The following SPIC variants were observed in gnomAD, a reference collection of about 807,000 sequenced individuals.
The protein encoded by SPIC is Spi-C transcription factor.
A neutral mutation model predicts 16.7 loss-of-function variants in SPIC; 9 were observed. The observed-to-expected ratio is 0.54, with a 90% confidence interval of 0.33 to 0.94. The LOEUF is 0.94. Ranked by LOEUF, SPIC falls within the 40% of genes least tolerant of loss-of-function variation. The pLI, the probability that SPIC is intolerant of heterozygous loss-of-function variation, is 0.03. For missense variants in SPIC, 241 were observed against 285.8 expected, an observed-to-expected ratio of 0.84 and a Z score of 1.13; for synonymous variants, 97 against 102.9, an observed-to-expected ratio of 0.94 and a Z score of 0.35.
intron 4 of SPIC, among the ~76,000 whole-genome samples, chr12:101,482,499 C>T (rs900015496): frequency 6.6e-6 from 1 of 152,124 alleles, no homozygotes; most frequent in African/African-American, 2.4e-5. Context: ...AATGGAAGCC[C>T]ATCTTCCCTT....
intron 5 of SPIC, among the ~76,000 whole-genome samples, 186 bp downstream of exon 5, chr12:101,483,086 G>GTT (rs58442228): frequency 0.011 from 1,388 of 129,060 alleles, 37 homozygotes; most frequent in African/African-American, 0.035. Context: ...GACTTCCTGT[G>GTT]TTTTTTTTTT....
In SPIC at chr12:101,486,624, ACTCT is replaced by A; in HGVS notation, c.604_607del (p.Ser202HisfsTer24). On this transcript the variant is annotated frameshift_variant, in exon 6 of 6. Coordinates refer to ENST00000551346, the MANE Select transcript of SPIC (RefSeq NM_152323.3). LOFTEE classifies it low-confidence loss of function (END_TRUNC). ...AGTTCAGTGAGGCCATTCTCCAAAG[ACTCT>A]CTCCATCCTATTTCCTGGGGAAAGA... The A allele has an allele frequency of 6.2e-7, 1 of 1,613,632 alleles. No individual in the cohort carries two copies. The highest frequency in any genetic ancestry group is 2.2e-5 in the East Asian group (1 of 44,854).
intron 5 of SPIC, among the ~76,000 whole-genome samples, chr12:101,485,080 T>C (rs1302871168): frequency 6.6e-6 from 1 of 152,172 alleles, no homozygotes; most frequent in Non-Finnish European, 1.5e-5. Context: ...ATACAAAAGA[T>C]AATCTTTGTA....
intron 5 of SPIC, among the ~76,000 whole-genome samples, chr12:101,483,658 A>G (rs1873278731): frequency 6.6e-6 from 1 of 151,874 alleles, no homozygotes; most frequent in Non-Finnish European, 1.5e-5. Context: ...ATGCAGTGGC[A>G]TCATCTCAGC....
intron 2 of SPIC, among the ~76,000 whole-genome samples, chr12:101,477,279 T>C (rs1434212754): frequency 6.6e-6 from 1 of 152,202 alleles, no homozygotes; most frequent in Non-Finnish European, 1.5e-5. Context: ...TCAACTGTGA[T>C]TGATTTTGTG....
intron 1 of SPIC, among the ~76,000 whole-genome samples, chr12:101,476,588 G>A (rs1264039131): frequency 6.6e-6 from 1 of 151,906 alleles, no homozygotes; most frequent in Non-Finnish European, 1.5e-5. Flanking sequence ...CAATCAAGCA[G>A]CTCAGATAAT....
chr12:101,479,218 A>AAGAG (rs1208995064), intron 3 of SPIC, among the ~76,000 whole-genome samples: 7 of 122,476 alleles, frequency 5.7e-5, no homozygotes, highest in African/African-American at 2.0e-4. Context: ...GAAAGAAAGA[A>AAGAG]AGAAGGAAAG....
At chr12:101,476,313 G>A (rs1872956228) in intron 1 of SPIC, among the ~76,000 whole-genome samples, 1 of 152,074 alleles carries the variant, frequency 6.6e-6, no homozygotes, top group Non-Finnish European at 1.5e-5. Context: ...AGTTTTCTTA[G>A]CCTAGGATTC....
rs897872081 is a variant in SPIC, at chr12:101,479,597, T to G, written c.113T>G (p.Leu38Arg). 1 of 1,612,258 alleles carries G rather than the reference T, an allele frequency of 6.2e-7. No individual in the cohort carries two copies. The change falls in exon 4 of 6, where the codon CTG (leucine) becomes CGG (arginine). Residue 38 changes from leucine (L) to arginine (R), a missense_variant. Coordinates refer to ENST00000551346, the MANE Select transcript of SPIC (RefSeq NM_152323.3). ...TTAAAATTAGATTACAGAAATTACCTGGCTTTAATCAACCATCGTCCTCAT... is the reference window on the plus strand; with the variant it reads ...TTAAAATTAGATTACAGAAATTACCGGGCTTTAATCAACCATCGTCCTCAT... ...LQYSPDYRNYLALINHRPHVK... is the reference protein window; with the variant it reads ...LQYSPDYRNYRALINHRPHVK...
At chr12:101,482,930 T>C (rs774406303) in intron 5 of SPIC, 30 bp downstream of exon 5, 1 of 1,580,280 alleles carries the variant, frequency 6.3e-7, no homozygotes, top group Non-Finnish European at 8.7e-7. Flanking sequence ...GTTATACAGG[T>C]AAAAGAACCA....
At position 101,485,978 on chromosome 12, in the gene SPIC, A is replaced by G. The variant is rs566351207; in HGVS notation, c.320-366A>G. 2.3e-3 allele frequency among the ~76,000 whole-genome samples: 356 copies of G among 152,100 alleles called. 1 individual carries two copies. Among genetic ancestry groups the G allele is most frequent in the African/African-American group, 8.0e-3 (331 of 41,482 alleles). On this transcript the variant is annotated intron_variant, in intron 5 of 5. Transcript: ENST00000551346. ...GCCACCCTGCCTGGCTAATTTTTGTATTTTTAGTAGAGACGGGATTTCACC... is the reference window on the plus strand; with the variant it reads ...GCCACCCTGCCTGGCTAATTTTTGTGTTTTTAGTAGAGACGGGATTTCACC...
intron 5 of SPIC, among the ~76,000 whole-genome samples, chr12:101,486,141 A>G (rs1873358534): frequency 2.6e-5 from 4 of 152,218 alleles, no homozygotes; most frequent in Admixed American, 1.3e-4. Context: ...AGAAAGATCC[A>G]GTTGAAACTT....
At position 101,482,875 on chromosome 12, in the gene SPIC, T is replaced by C; in HGVS notation, c.294T>C (p.Thr98=). ...NITENQLVQP[T]LLQQKGGKGR... is the part of the protein sequence containing the mutation. ...CTGAAAACCAGCTGGTACAACCCAC[T>C]CTTCTCCAGCAAAAGGGGGGAAAAG... Residue 98 remains threonine (T), a synonymous_variant, in exon 5 of 6, where the codon ACT becomes ACC. Transcript: ENST00000551346. The C allele has an allele frequency of 6.2e-7, 1 of 1,614,008 alleles. No homozygotes were observed. The highest frequency in any genetic ancestry group is 8.5e-7 in the Non-Finnish European group (1 of 1,179,986).
Position 101,486,858 on chromosome 12 carries a change from C to G in SPIC, c.*87C>G. 1 of 1,186,030 alleles carries G rather than the reference C, an allele frequency of 8.4e-7. No homozygotes were observed. Among genetic ancestry groups the G allele is most frequent in the Non-Finnish European group, 1.1e-6 (1 of 874,384 alleles). 73.5% of individuals were successfully genotyped at this position (1,186,030 alleles called of 1,614,324 possible). Reference sequence around the variant, plus strand: ...TCCCTCCCTCTCTTTTTTTCCTCCTCTGAAGAAATTTAGGATTTTTCTCTT... The same window carrying G: ...TCCCTCCCTCTCTTTTTTTCCTCCTGTGAAGAAATTTAGGATTTTTCTCTT... On this transcript the variant is annotated 3_prime_UTR_variant, in exon 6 of 6. Coordinates refer to ENST00000551346, the MANE Select transcript of SPIC (RefSeq NM_152323.3).
In SPIC at chr12:101,475,425, T is replaced by C. The variant is rs1011329365; in HGVS notation, c.-155T>C. 6.6e-6 allele frequency: 1 copy of C among 152,172 alleles called. No homozygotes were observed. The highest frequency in any genetic ancestry group is 6.6e-5 in the Admixed American group (1 of 15,262). The allele number at this position is 152,172 out of a possible 1,614,324, so 9.4% of individuals were successfully genotyped here. On this transcript the variant is annotated 5_prime_UTR_variant, in exon 1 of 6. Transcript: ENST00000551346. ...ATTGCACTGGAAAATAATTTTTTAT[T>C]TTCATGATAGCCTACCGTTGAATTT...
At chr12:101,484,736 T>C (rs1191434023) in intron 5 of SPIC, among the ~76,000 whole-genome samples, 1 of 151,388 alleles carries the variant, frequency 6.6e-6, no homozygotes, top group Non-Finnish European at 1.5e-5. Context: ...TTCGGGAGAC[T>C]GAGGCAGGCA....
chr12:101,481,265 A>G (rs1445769340), intron 4 of SPIC, among the ~76,000 whole-genome samples: 5 of 151,744 alleles, frequency 3.3e-5, no homozygotes, highest in Non-Finnish European at 7.4e-5. Flanking sequence ...TAGCTCACTG[A>G]AGCTTCAAAT....
chr12:101,486,878 T>C lies in SPIC; in HGVS notation c.*107T>C, dbSNP rs1873383938. 2.0e-6 allele frequency: 2 copies of C among 993,538 alleles called. 1 individual carries two copies. The highest frequency in any genetic ancestry group is 4.2e-5 in the South Asian group (2 of 47,574). The allele number at this position is 993,538 out of a possible 1,614,324, so 61.5% of individuals were successfully genotyped here. On this transcript the variant is annotated 3_prime_UTR_variant, in exon 6 of 6. Coordinates refer to ENST00000551346, the MANE Select transcript of SPIC (RefSeq NM_152323.3). ...CTCCTCTGAAGAAATTTAGGATTTTTCTCTTAAAGCAAATACTAAAGAGGA... is the reference window on the plus strand; with the variant it reads ...CTCCTCTGAAGAAATTTAGGATTTTCCTCTTAAAGCAAATACTAAAGAGGA...
rs569742864 is a variant in SPIC, at chr12:101,486,817, A to T, written c.*46A>T. On this transcript the variant is annotated 3_prime_UTR_variant, in exon 6 of 6. Coordinates refer to ENST00000551346, the MANE Select transcript of SPIC (RefSeq NM_152323.3). ...GTTTACTGGCATCGGAAATCTCTACAAGTTTTAATGATTTCTCCCTCCCTC... is the reference window on the plus strand; with the variant it reads ...GTTTACTGGCATCGGAAATCTCTACTAGTTTTAATGATTTCTCCCTCCCTC... The T allele has an allele frequency of 7.0e-6, 10 of 1,428,910 alleles. No individual in the cohort carries two copies. The Admixed American group carries it at 2.4e-4, about 34-fold the overall frequency. 88.5% of individuals were successfully genotyped at this position (1,428,910 alleles called of 1,614,324 possible). A position where few individuals can be genotyped will look rare whatever the true frequency, so the allele number is the denominator to read the frequency against.
Sources: gnomAD v4.1 joint callset for allele counts (sites outside exome capture counted in the v4.1 genomes callset) on GRCh38, gnomAD v4.1.1 for gene constraint, MANE v1.5 for transcripts, NCBI Gene and HGNC (gene_info 2026-07-23, HGNC 2026-07-21) for gene names.